Variants in LAMC3 observed in about 807,000 individuals in gnomAD.
The protein encoded by LAMC3 is laminin subunit gamma-3.
LAMC3 carries 128 observed loss-of-function variants against 173.8 expected under a neutral mutation model. That is an observed-to-expected ratio of 0.74 (90% CI 0.64 to 0.85). LAMC3 has a LOEUF of 0.85. LAMC3 is among the 40% of genes least tolerant of loss of function. The pLI is 0.00. For synonymous variants in LAMC3, 897 were observed against 909.1 expected, an observed-to-expected ratio of 0.99 and a Z score of 0.24; for missense variants, 2,022 against 2,156.0, an observed-to-expected ratio of 0.94 and a Z score of 1.23.
chr9:131,041,963 A>G (rs1834065306), intron 7 of LAMC3, among the ~76,000 whole-genome samples: 2 of 152,214 alleles, frequency 1.3e-5, no homozygotes, highest in Non-Finnish European at 2.9e-5. Context: ...CTGATCATTC[A>G]TAAGCTGAGA....
At chr9:131,082,393 A>T (rs558690662) in intron 24 of LAMC3, among the ~76,000 whole-genome samples, 2 of 152,170 alleles carry the variant, frequency 1.3e-5, no homozygotes, top group Non-Finnish European at 2.9e-5. Flanking sequence ...ATCAGACCAC[A>T]TGCAGAGCCC....
rs1313865629 is a variant in LAMC3, at chr9:131,061,239, C to T, written c.2347+16C>T. The T allele has an allele frequency of 3.1e-6, 5 of 1,595,422 alleles. No homozygotes were observed. Among genetic ancestry groups the T allele is most frequent in the Non-Finnish European group, 4.3e-6 (5 of 1,174,364 alleles). On this transcript the variant is annotated intron_variant, in intron 13 of 27. Coordinates refer to ENST00000361069, the MANE Select transcript of LAMC3 (RefSeq NM_006059.4). ...GGCCAGAGAGGTAAGTGACTCCTGC[C>T]CCGGAGCCCTGCCCCGCAGAGGGCC...
Position 131,036,190 on chromosome 9 carries a change from C to A in LAMC3, c.834C>A (p.Ser278Arg), listed in dbSNP as rs746922176. 1.2e-6 allele frequency: 2 copies of A among 1,613,206 alleles called. No individual in the cohort carries two copies. The highest frequency in any genetic ancestry group is 2.2e-5 in the East Asian group (1 of 44,860). The change falls in exon 4 of 28, where the codon AGC (serine) becomes AGA (arginine). Residue 278 changes from serine to arginine, a missense_variant. By Grantham distance (110) the Ser-to-Arg change is moderately radical. Coordinates refer to ENST00000361069, the MANE Select transcript of LAMC3 (RefSeq NM_006059.4). ...GGTGCAAGTGCAACGGGCATGCCAGCGAGTGCGGCCCCGACGTGGCAGGCC... is the reference window on the plus strand; with the variant it reads ...GGTGCAAGTGCAACGGGCATGCCAGAGAGTGCGGCCCCGACGTGGCAGGCC... ...GGRCKCNGHA[S>R]ECGPDVAGQL... is the part of the protein sequence containing the mutation.
At chr9:131,058,768 C>T (rs1260286520) in intron 12 of LAMC3, among the ~76,000 whole-genome samples, 2 of 151,400 alleles carry the variant, frequency 1.3e-5, no homozygotes, top group Non-Finnish European at 2.9e-5. Context: ...GTGGCAGGCA[C>T]CTGTAATCCC....
chr9:131,067,072 C>T lies in LAMC3; in HGVS notation c.2460C>T (p.Ala820=), dbSNP rs1055291211. Residue 820 remains alanine, a synonymous_variant, in exon 14 of 28, where the codon GCC becomes GCT. Transcript: ENST00000361069. ...GTAGCGGGAACGTGGACCCCAATGC[C>T]GTGGGCAACTGTGACCCCCTGTCTG... is the stretch of plus-strand genomic sequence containing the variant. The part of the protein sequence containing the change: ...CQCSGNVDPN[A]VGNCDPLSGH... 2.5e-5 allele frequency: 41 copies of T among 1,614,006 alleles called. No homozygotes were observed. The highest frequency in any genetic ancestry group is 3.0e-5 in the Non-Finnish European group (35 of 1,180,038).
chr9:131,082,592 C>G (rs1262505544), intron 24 of LAMC3, among the ~76,000 whole-genome samples: 1 of 152,164 alleles, frequency 6.6e-6, no homozygotes, highest in African/African-American at 2.4e-5. Flanking sequence ...AGTCTAGTGC[C>G]CCCATTTTGC....
In LAMC3 at chr9:131,061,835, C is replaced by T. The variant is rs116768150; in HGVS notation, c.2347+612C>T. 2.0e-3 allele frequency among the ~76,000 whole-genome samples: 306 copies of T among 151,924 alleles called. 1 individual carries two copies. The highest frequency in any genetic ancestry group is 7.0e-3 in the African/African-American group (289 of 41,408). Reference sequence around the variant, plus strand: ...GAAGCCAAGGTGGGCACATCACTTCCGTCCAGGAGTTCAAGACCAGCCTGG... The same window carrying T: ...GAAGCCAAGGTGGGCACATCACTTCTGTCCAGGAGTTCAAGACCAGCCTGG... On this transcript the variant is annotated intron_variant, in intron 13 of 27. Coordinates refer to ENST00000361069, the MANE Select transcript of LAMC3 (RefSeq NM_006059.4).
At chr9:131,076,027 T>A in intron 21 of LAMC3, 62 bp downstream of exon 21, 1 of 1,497,098 alleles carries the variant, frequency 6.7e-7, no homozygotes, top group South Asian at 1.3e-5. Context: ...CAACAGGGCC[T>A]AGCCAAAGGC....
rs760695646 is a variant in LAMC3 at position 131,045,647 on chromosome 9, C to T, written c.1506C>T (p.Ser502=). The change falls in exon 8 of 28, where the codon AGC becomes AGT. Residue 502 remains serine, a synonymous_variant. Transcript: ENST00000361069. ...AGTTCCAGGTGCATCACATCCTCAGCGATTTCCACCAGGGTAAGAGATGCT... is the reference window on the plus strand; with the variant it reads ...AGTTCCAGGTGCATCACATCCTCAGTGATTTCCACCAGGGTAAGAGATGCT... ...TAQFQVHHIL[S]DFHQGAEGWW... 1.1e-5 allele frequency: 18 copies of T among 1,614,034 alleles called. No homozygotes were observed. Among genetic ancestry groups the T allele is most frequent in the Middle Eastern group, 1.6e-4 (1 of 6,084 alleles).
intron 25 of LAMC3, among the ~76,000 whole-genome samples, chr9:131,086,058 T>C (rs1014838657): frequency 2.6e-5 from 4 of 152,216 alleles, no homozygotes; most frequent in Admixed American, 6.5e-5. Context: ...TTATTTATTT[T>C]ACCTGCCTTT....
intron 19 of LAMC3, 65 bp from the exon 20 acceptor site, chr9:131,073,180 C>A: frequency 8.3e-7 from 1 of 1,209,978 alleles, no homozygotes; most frequent in Non-Finnish European, 1.2e-6. Flanking sequence ...ACAATTGGAC[C>A]AGATGTGGCC....
intron 27 of LAMC3, among the ~76,000 whole-genome samples, chr9:131,091,275 CAAT>C (rs1015025382): frequency 1.3e-5 from 2 of 152,228 alleles, no homozygotes; most frequent in Non-Finnish European, 2.9e-5. Flanking sequence ...TCTTTTTTAA[CAAT>C]AATAGTAAAA....
At chr9:131,079,430 C>T (rs1830195725) in intron 23 of LAMC3, 132 bp downstream of exon 23, 2 of 1,065,682 alleles carry the variant, frequency 1.9e-6, no homozygotes, top group East Asian at 2.6e-5. Context: ...TGTAGTGGCT[C>T]ACACCTGTAA....
intron 23 of LAMC3, among the ~76,000 whole-genome samples, chr9:131,080,056 T>G (rs1830210719): frequency 6.6e-6 from 1 of 152,192 alleles, no homozygotes; most frequent in South Asian, 2.1e-4. Flanking sequence ...CACTGCAACC[T>G]CCATTTCCCG....
At chr9:131,081,716 C>G (rs1830245854) in intron 23 of LAMC3, among the ~76,000 whole-genome samples, 1 of 152,214 alleles carries the variant, frequency 6.6e-6, no homozygotes, top group Non-Finnish European at 1.5e-5. Flanking sequence ...CTCAAGTGAT[C>G]TGCCCACCTC....
At chr9:131,084,647 A>C in intron 24 of LAMC3, among the ~76,000 whole-genome samples, 1 of 152,156 alleles carries the variant, frequency 6.6e-6, no homozygotes, top group East Asian at 1.9e-4. Context: ...CCGTAATCCC[A>C]GCACTTTGGG....
At chr9:131,042,119 C>T (rs549952742) in intron 7 of LAMC3, among the ~76,000 whole-genome samples, 104 of 152,168 alleles carry the variant, frequency 6.8e-4, no homozygotes, top group African/African-American at 2.4e-3. Flanking sequence ...ACAGGCCTCC[C>T]GTTTCACACT....
At chr9:131,024,472 G>C (rs1410243621) in intron 1 of LAMC3, among the ~76,000 whole-genome samples, 2 of 152,174 alleles carry the variant, frequency 1.3e-5, no homozygotes, top group African/African-American at 4.8e-5. Flanking sequence ...GAGCCAAGAT[G>C]TTTCAGCAGA....
intron 7 of LAMC3, 52 bp downstream of exon 7, chr9:131,041,787 C>T (rs1192207858): frequency 6.7e-7 from 1 of 1,487,610 alleles, no homozygotes; most frequent in Non-Finnish European, 9.3e-7. Flanking sequence ...TGGGGGCTCA[C>T]TGATGAGGCA....
Sources: gnomAD v4.1 joint callset for allele counts (sites outside exome capture counted in the v4.1 genomes callset) on GRCh38, gnomAD v4.1.1 for gene constraint, MANE v1.5 for transcripts, NCBI Gene and HGNC (gene_info 2026-07-23, HGNC 2026-07-21) for gene names.